Variants in TAF2 observed in about 807,000 individuals in gnomAD.
TAF2 encodes the protein TATA-box binding protein associated factor 2.
A neutral mutation model predicts 138.5 loss-of-function variants in TAF2; 61 were observed. The ratio of observed to expected loss-of-function variants is 0.44; its 90% CI spans 0.36 to 0.54. The LOEUF (loss-of-function observed/expected upper bound fraction) is 0.54, where lower values mean the gene tolerates loss of function less well. Among genes scored for constraint, TAF2 ranks in the 20% least tolerant of loss-of-function variants. The pLI is 0.00. For missense variants in TAF2, 1,090 were observed against 1,427.9 expected (o/e 0.76, Z 3.81); for synonymous variants, 475 against 469.9 (o/e 1.01, Z -0.14).
chr8:119,796,193 T>G (rs747243129), intron 8 of TAF2, among the ~76,000 whole-genome samples: 1 of 151,944 alleles, frequency 6.6e-6, no homozygotes. Flanking sequence ...CCATCCATAA[T>G]ATTTTGCCTA....
chr8:119,798,282 T>C (rs1336397252), intron 6 of TAF2, among the ~76,000 whole-genome samples: 1 of 152,208 alleles, frequency 6.6e-6, no homozygotes, highest in Admixed American at 6.5e-5. Context: ...AAATAATTAC[T>C]GTAGTCCCCC....
rs1825967725 is a variant in TAF2, at chr8:119,824,362, G to A, written c.139-4856C>T. 2.0e-5 allele frequency among the ~76,000 whole-genome samples: 3 copies of A among 151,784 alleles called. No individual in the cohort carries two copies. In the South Asian group the frequency reaches 6.3e-4, roughly 32 times the overall value. On this transcript the variant is annotated intron_variant, in intron 2 of 25. Transcript: ENST00000378164. ...GAGAATTGCTTGAACCCAGGAGGTG[G>A]AGGTTGCAGCGAGCTGAGATTGAGC...
intron 2 of TAF2, among the ~76,000 whole-genome samples, chr8:119,824,577 A>T (rs1457669540): frequency 6.6e-6 from 1 of 152,216 alleles, no homozygotes; most frequent in Non-Finnish European, 1.5e-5. Flanking sequence ...AGAGGTCTTC[A>T]CACAGCCCCT....
chr8:119,776,909 T>G (rs1243809394), intron 18 of TAF2, among the ~76,000 whole-genome samples: 3 of 152,144 alleles, frequency 2.0e-5, no homozygotes, highest in Admixed American at 2.0e-4. Flanking sequence ...TGACCCTCTC[T>G]CTATATATGT....
At chr8:119,817,119 A>G (rs925625241) in intron 3 of TAF2, among the ~76,000 whole-genome samples, 1 of 152,238 alleles carries the variant, frequency 6.6e-6, no homozygotes, top group Non-Finnish European at 1.5e-5. Flanking sequence ...CTATGGTTCT[A>G]GTTGAATGAA....
chr8:119,756,042 C>A lies in TAF2; in HGVS notation c.2842G>T (p.Ala948Ser). 1 of 1,613,660 alleles carries A rather than the reference C, an allele frequency of 6.2e-7. No individual in the cohort carries two copies. Among genetic ancestry groups the A allele is most frequent in the Non-Finnish European group, 8.5e-7 (1 of 1,179,784 alleles). Residue 948 changes from alanine (A) to serine (S), a missense_variant, in exon 22 of 26, where the codon GCC becomes TCC. By Grantham distance (99) the Ala-to-Ser change is moderately conservative. This residue lies in a region of TAF2 where 580 missense variants were observed against 719.6 expected (regional missense o/e 0.81). Transcript: ENST00000378164. Reference sequence around the variant, plus strand: ...AGTTTCCAAAGTTGATCTACCAGGGCTTCATTGCATAAGGGAGACTCCATG... The same window carrying A: ...AGTTTCCAAAGTTGATCTACCAGGGATTCATTGCATAAGGGAGACTCCATG... ...KNMESPLCNE[A>S]LVDQLWKLMN...
intron 25 of TAF2, among the ~76,000 whole-genome samples, chr8:119,735,180 T>C (rs897847065): frequency 2.0e-5 from 3 of 152,206 alleles, no homozygotes; most frequent in African/African-American, 7.2e-5. Context: ...GTATTTCTTT[T>C]GTCTTTGAGT....
intron 18 of TAF2, chr8:119,767,036 A>T (rs1474677302): frequency 2.0e-5 from 3 of 152,224 alleles, no homozygotes; most frequent in Non-Finnish European, 4.4e-5. Flanking sequence ...AAGCCTCCAC[A>T]AATTTAATTC....
At position 119,756,042 on chromosome 8, in the gene TAF2, C is replaced by G; in HGVS notation, c.2842G>C (p.Ala948Pro). Residue 948 changes from alanine to proline, a missense_variant, in exon 22 of 26, where the codon GCC becomes CCC. Around this residue, in one of 3 missense-constraint regions of TAF2, gnomAD observed 580 missense variants for 719.6 expected, o/e 0.81. Coordinates refer to ENST00000378164, the MANE Select transcript of TAF2 (RefSeq NM_003184.4). ...AGTTTCCAAAGTTGATCTACCAGGGCTTCATTGCATAAGGGAGACTCCATG... is the reference window on the plus strand; with the variant it reads ...AGTTTCCAAAGTTGATCTACCAGGGGTTCATTGCATAAGGGAGACTCCATG... ...KNMESPLCNE[A>P]LVDQLWKLMN... 1 of 1,613,660 alleles carries G rather than the reference C, an allele frequency of 6.2e-7. No homozygotes were observed. Among genetic ancestry groups the G allele is most frequent in the Non-Finnish European group, 8.5e-7 (1 of 1,179,784 alleles).
chr8:119,812,380 T>C lies in TAF2; in HGVS notation c.300-5979A>G, dbSNP rs955673726. Among the ~76,000 whole-genome samples, 6 of 152,072 alleles carry C rather than the reference T, an allele frequency of 3.9e-5. No individual in the cohort carries two copies. The South Asian group carries it at 1.3e-3, about 32-fold the overall frequency. Reference sequence around the variant, plus strand: ...TGTGTACAAGTGGTTTTTGGTTACATAGATGAATTTTACAATAGGAATGTC... The same window carrying C: ...TGTGTACAAGTGGTTTTTGGTTACACAGATGAATTTTACAATAGGAATGTC... On this transcript the variant is annotated intron_variant, in intron 3 of 25. Transcript: ENST00000378164.
chr8:119,827,995 G>A (rs1298871635), intron 2 of TAF2, among the ~76,000 whole-genome samples: 2 of 151,924 alleles, frequency 1.3e-5, no homozygotes, highest in Non-Finnish European at 2.9e-5. Flanking sequence ...TGCCCACCTC[G>A]GCCTCCCAAA....
chr8:119,789,304 T>C (rs1823254133), intron 12 of TAF2, among the ~76,000 whole-genome samples: 1 of 152,152 alleles, frequency 6.6e-6, no homozygotes, highest in African/African-American at 2.4e-5. Context: ...TACTTACCTA[T>C]CCTATCATCA....
chr8:119,807,070 T>A (rs933309385), intron 3 of TAF2, among the ~76,000 whole-genome samples: 7 of 152,270 alleles, frequency 4.6e-5, no homozygotes, highest in African/African-American at 1.7e-4. Context: ...TGGCAAAAAA[T>A]TGAATGGATT....
chr8:119,806,424 T>C, intron 3 of TAF2, 23 bp from the exon 4 acceptor site: 2 of 1,552,572 alleles, frequency 1.3e-6, no homozygotes, highest in South Asian at 2.2e-5. Context: ...AAGAGCCAAC[T>C]TTTAATAATA....
intron 18 of TAF2, among the ~76,000 whole-genome samples, chr8:119,764,979 G>C (rs566448386): frequency 1.3e-5 from 2 of 152,212 alleles, no homozygotes; most frequent in East Asian, 3.9e-4. Context: ...TTTAAATCCA[G>C]AAGACAGTAG....
intron 3 of TAF2, among the ~76,000 whole-genome samples, chr8:119,816,279 G>T (rs750461938): frequency 6.6e-6 from 1 of 150,972 alleles, no homozygotes; most frequent in Non-Finnish European, 1.5e-5. Context: ...GGATAGTCTC[G>T]ATCTCCTGAC....
intron 23 of TAF2, 93 bp from the exon 24 acceptor site, chr8:119,744,486 A>G (rs888933837): frequency 1.0e-6 from 1 of 990,204 alleles, no homozygotes; most frequent in East Asian, 2.4e-5. Flanking sequence ...CAGAGAGGCC[A>G]TAGGATATAC....
chr8:119,785,322 C>T, intron 14 of TAF2, 56 bp from the exon 15 acceptor site: 1 of 1,181,684 alleles, frequency 8.5e-7, no homozygotes, highest in Non-Finnish European at 1.3e-6. Context: ...TCTGAATGGA[C>T]ATTAACAGCA....
Position 119,805,878 on chromosome 8 carries a change from G to A in TAF2, c.418+405C>T, listed in dbSNP as rs138790116. Reference sequence around the variant, plus strand: ...CTGGTTAATTTACAATTTTGACATCGTTAATGTTCTTTCGTTTTGTTTTTG... The same window carrying A: ...CTGGTTAATTTACAATTTTGACATCATTAATGTTCTTTCGTTTTGTTTTTG... On this transcript the variant is annotated intron_variant, in intron 4 of 25. Coordinates refer to ENST00000378164, the MANE Select transcript of TAF2 (RefSeq NM_003184.4). Among the ~76,000 whole-genome samples, 3 of 150,834 alleles carry A rather than the reference G, an allele frequency of 2.0e-5. No individual in the cohort carries two copies. The East Asian group carries it at 5.8e-4, about 29-fold the overall frequency.
Sources: allele counts gnomAD v4.1 joint callset (sites outside exome capture counted in the v4.1 genomes callset), GRCh38; gene constraint gnomAD v4.1.1; regional missense constraint gnomAD v4.1.1; transcripts MANE v1.5; gene names NCBI Gene and HGNC (gene_info 2026-07-23, HGNC 2026-07-21).